STRN: variants seen among roughly 807,000 people sequenced by gnomAD.
The protein encoded by STRN is striatin.
STRN carries 53 observed loss-of-function variants against 96.3 expected under a neutral mutation model. The ratio of observed to expected loss-of-function variants is 0.55; its 90% CI spans 0.44 to 0.69. STRN has a LOEUF of 0.69. STRN is among the 30% of genes least tolerant of loss of function. The pLI is 0.00. For synonymous variants in STRN, 428 were observed against 355.9 expected (o/e 1.20, Z -2.28); for missense variants, 987 against 963.9 (o/e 1.02, Z -0.32).
chr2:36,902,449 TA>T, intron 5 of STRN, 134 bp downstream of exon 5: 1 of 575,074 alleles, frequency 1.7e-6, no homozygotes. Flanking sequence ...TCTAACCAAA[TA>T]AAATGTTAGA....
chr2:36,888,438 C>G (rs1389807614), intron 7 of STRN, among the ~76,000 whole-genome samples: 1 of 152,216 alleles, frequency 6.6e-6, no homozygotes, highest in African/African-American at 2.4e-5. Context: ...TAGAATCACT[C>G]TGCTCTAGCC....
In STRN at chr2:36,923,440, G is replaced by T. The variant is rs529668652; in HGVS notation, c.338+1665C>A. Among the ~76,000 whole-genome samples, 221 of 119,520 alleles carry T rather than the reference G, an allele frequency of 1.8e-3. 1 individual carries two copies. Among genetic ancestry groups the T allele is most frequent in the Admixed American group, 2.8e-3 (30 of 10,566 alleles). 78.4% of individuals were successfully genotyped at this position (119,520 alleles called of 152,430 possible). ...CACTCCAGCCTAGGCAACAAAGCAGGACTCCAAAAAAAAAAAAAAAAAAAC... is the reference window on the plus strand; with the variant it reads ...CACTCCAGCCTAGGCAACAAAGCAGTACTCCAAAAAAAAAAAAAAAAAAAC... On this transcript the variant is annotated intron_variant, in intron 2 of 17. Transcript: ENST00000263918.
At chr2:36,858,334 ATC>A (rs1668401110) in intron 13 of STRN, among the ~76,000 whole-genome samples, 1 of 152,176 alleles carries the variant, frequency 6.6e-6, no homozygotes, top group South Asian at 2.1e-4. Context: ...TTGATACGAA[ATC>A]ATTTGAATTT....
intron 10 of STRN, among the ~76,000 whole-genome samples, chr2:36,872,327 C>T (rs78632966): frequency 0.038 from 5,750 of 152,254 alleles, 164 homozygotes; most frequent in East Asian, 0.13. Context: ...ACTAAAGTCT[C>T]CACCAATAGA....
chr2:36,945,528 G>A (rs553224587), intron 1 of STRN, among the ~76,000 whole-genome samples: 23 of 152,250 alleles, frequency 1.5e-4, no homozygotes, highest in African/African-American at 5.3e-4. Context: ...TTAGCTGGGT[G>A]TGGTGGCATG....
At position 36,858,023 on chromosome 2, in the gene STRN, T is replaced by C; in HGVS notation, c.1670A>G (p.Asp557Gly). 6.3e-7 allele frequency: 1 copy of C among 1,586,724 alleles called. No homozygotes were observed. Among genetic ancestry groups the C allele is most frequent in the Non-Finnish European group, 8.6e-7 (1 of 1,164,520 alleles). ...CAGAGGGCCTCGTAAAACAGAAGGATCTATACAAAACAGTAAAAATGCAAA... is the reference window on the plus strand; with the variant it reads ...CAGAGGGCCTCGTAAAACAGAAGGACCTATACAAAACAGTAAAAATGCAAA... ...NPNIDPYDSY[D>G]PSVLRGPLLG... Residue 557 changes from aspartate (D) to glycine (G), a missense_variant and splice_region_variant, in exon 14 of 18, where the codon GAT (aspartate) becomes GGT (glycine). Coordinates refer to ENST00000263918, the MANE Select transcript of STRN (RefSeq NM_003162.4).
chr2:36,881,628 T>C (rs553947892), intron 9 of STRN, among the ~76,000 whole-genome samples: 7 of 152,336 alleles, frequency 4.6e-5, no homozygotes, highest in Middle Eastern at 6.8e-3. Flanking sequence ...GGACCACTGC[T>C]GCAGATAGTA....
rs1006772152 is a variant in STRN at position 36,849,388 on chromosome 2, G to C, written c.*68C>G. The stretch of plus-strand genomic sequence containing the variant: ...GCAGGACGAGATGATTCTTGCCCTC[G>C]TCTTCTGTATCTCTTGTGTGCAGTT... On this transcript the variant is annotated 3_prime_UTR_variant, in exon 18 of 18. Transcript: ENST00000263918. 11 of 1,549,528 alleles carry C rather than the reference G, an allele frequency of 7.1e-6. No homozygotes were observed. The highest frequency in any genetic ancestry group is 8.8e-6 in the Non-Finnish European group (10 of 1,135,984).
intron 16 of STRN, 126 bp downstream of exon 16, chr2:36,850,874 G>C (rs1191340362): frequency 1.7e-6 from 1 of 601,238 alleles, no homozygotes; most frequent in Non-Finnish European, 2.9e-6. Flanking sequence ...TGAGACGGGA[G>C]AGTATTTGGG....
At position 36,925,143 on chromosome 2, in the gene STRN, C is replaced by A; in HGVS notation, c.300G>T (p.Arg100Ser). The A allele has an allele frequency of 6.2e-7, 1 of 1,613,934 alleles. No homozygotes were observed. The highest frequency in any genetic ancestry group is 8.5e-7 in the Non-Finnish European group (1 of 1,179,828). ...GQENLKKDLV[R>S]RIKMLEYALK... is the part of the protein sequence containing the mutation. ...GAGCATACTCCAACATTTTGATCCT[C>A]CTCACAAGATCCTTCTTCAAATTTT... Residue 100 changes from arginine (R) to serine (S), a missense_variant, in exon 2 of 18, where the codon AGG (arginine) becomes AGT (serine). Arg to Ser is a moderately radical substitution (Grantham distance 110). Coordinates refer to ENST00000263918, the MANE Select transcript of STRN (RefSeq NM_003162.4).
At position 36,855,152 on chromosome 2, in the gene STRN, G is replaced by C. The variant is rs933174537; in HGVS notation, c.1978+60C>G. ...ATATTTTTCACAGCTGACTCTAGTA[G>C]TCGTAATTTTGATTAAGTTAAAAAA... is the stretch of plus-strand genomic sequence containing the variant. On this transcript the variant is annotated intron_variant, in intron 15 of 17. Coordinates refer to ENST00000263918, the MANE Select transcript of STRN (RefSeq NM_003162.4). 6.5e-5 allele frequency: 102 copies of C among 1,557,868 alleles called. No homozygotes were observed. In the African/African-American group the frequency reaches 1.1e-3, roughly 17 times the overall value.
chr2:36,948,315 G>A lies in STRN; in HGVS notation c.234+17915C>T, dbSNP rs1284542453. ...GGGTTTCACCATGTTGGCCAGGCTG[G>A]TCTCCAACTCCTGACCTCAGGTGAT... On this transcript the variant is annotated intron_variant, in intron 1 of 17. Coordinates refer to ENST00000263918, the MANE Select transcript of STRN (RefSeq NM_003162.4). Among the ~76,000 whole-genome samples, 5 of 151,730 alleles carry A rather than the reference G, an allele frequency of 3.3e-5. No homozygotes were observed. In the South Asian group the frequency reaches 8.3e-4, roughly 25 times the overall value.
intron 6 of STRN, among the ~76,000 whole-genome samples, chr2:36,897,228 T>C (rs1258524505): frequency 6.6e-6 from 1 of 152,122 alleles, no homozygotes; most frequent in Non-Finnish European, 1.5e-5. Flanking sequence ...CTTGACATTT[T>C]AATAGGATAA....
At chr2:36,894,175 T>G (rs1243226429) in intron 6 of STRN, 142 bp from the exon 7 acceptor site, 1 of 932,044 alleles carries the variant, frequency 1.1e-6, no homozygotes, top group Non-Finnish European at 1.5e-6. Flanking sequence ...AATCACATAG[T>G]TTTAAAAAAT....
chr2:36,943,534 G>A (rs1314302744), intron 1 of STRN, among the ~76,000 whole-genome samples: 2 of 152,166 alleles, frequency 1.3e-5, no homozygotes, highest in Non-Finnish European at 2.9e-5. Context: ...GCCAGGCACA[G>A]TGGCTCACAC....
intron 12 of STRN, among the ~76,000 whole-genome samples, chr2:36,864,176 C>A (rs1388629944): frequency 6.6e-6 from 1 of 152,152 alleles, no homozygotes; most frequent in Non-Finnish European, 1.5e-5. Context: ...CTGGCTAGGA[C>A]TTCCAGTACT....
At chr2:36,915,586 G>C (rs918793093) in intron 3 of STRN, among the ~76,000 whole-genome samples, 1 of 152,152 alleles carries the variant, frequency 6.6e-6, no homozygotes, top group African/African-American at 2.4e-5. Flanking sequence ...ACATGTTCTA[G>C]TTACAGAAAC....
chr2:36,916,181 TC>T (rs781171541), intron 2 of STRN, 30 bp from the exon 3 acceptor site: 2 of 1,564,392 alleles, frequency 1.3e-6, no homozygotes, highest in Admixed American at 3.4e-5. Flanking sequence ...ATACAGACCA[TC>T]TTAAAATATG....
Position 36,842,300 on chromosome 2 carries a change from T to C in STRN, c.*7156A>G, listed in dbSNP as rs1470766923. 1.3e-5 allele frequency: 2 copies of C among 152,198 alleles called. No individual in the cohort carries two copies. The highest frequency in any genetic ancestry group is 4.8e-5 in the African/African-American group (2 of 41,452). The allele number at this position is 152,198 out of a possible 1,614,324, so 9.4% of individuals were successfully genotyped here. ...ATTAGAATTTTTAAAAATCTTTTGT[T>C]TGAGGCAATGAATTGGGAACCTGGT... On this transcript the variant is annotated 3_prime_UTR_variant, in exon 18 of 18. Coordinates refer to ENST00000263918, the MANE Select transcript of STRN (RefSeq NM_003162.4).
Sources: allele counts gnomAD v4.1 joint callset (sites outside exome capture counted in the v4.1 genomes callset), GRCh38; gene constraint gnomAD v4.1.1; transcripts MANE v1.5; gene names NCBI Gene and HGNC (gene_info 2026-07-23, HGNC 2026-07-21).